The following TAOK1 variants were observed in gnomAD, a reference collection of about 807,000 sequenced individuals.
TAOK1 encodes serine/threonine-protein kinase TAO1.
TAOK1 carries 21 observed loss-of-function variants against 138.3 expected under a neutral mutation model. The ratio of observed to expected loss-of-function variants is 0.15; its 90% CI spans 0.11 to 0.22. TAOK1 has a LOEUF of 0.22. Ranked by LOEUF, TAOK1 falls within the 10% of genes least tolerant of loss-of-function variation. The probability of loss-of-function intolerance (pLI) is 1.00; values close to 1 mark genes in which losing one functional copy is unlikely to be tolerated. For missense variants in TAOK1, 651 were observed against 1,227.7 expected, an observed-to-expected ratio of 0.53 and a Z score of 7.02; for synonymous variants, 361 against 398.4, an observed-to-expected ratio of 0.91 and a Z score of 1.12.
Position 29,542,875 on chromosome 17 carries a change from G to A in TAOK1, c.2859G>A (p.Gly953=), listed in dbSNP as rs2032343477. Residue 953 remains glycine (G), a synonymous_variant, in exon 20 of 20, where the codon GGG becomes GGA. Transcript: ENST00000261716. ...PWGHPSGPMQ[G]VPRGSSMGVR... ...GTCACCCTTCAGGGCCAATGCAAGG[G>A]GTACCTCGAGGTAGCAGTATGGGAG... 6.2e-7 allele frequency: 1 copy of A among 1,613,974 alleles called. No individual in the cohort carries two copies. Among genetic ancestry groups the A allele is most frequent in the Admixed American group, 1.7e-5 (1 of 59,994 alleles).
At chr17:29,517,152 A>G (rs1016449919) in intron 15 of TAOK1, among the ~76,000 whole-genome samples, 1 of 151,838 alleles carries the variant, frequency 6.6e-6, no homozygotes, top group East Asian at 2.0e-4. Flanking sequence ...ATGCCCGGCT[A>G]ATTTTTTTTG....
chr17:29,478,721 G>A (rs1312894568), intron 6 of TAOK1, among the ~76,000 whole-genome samples: 3 of 152,096 alleles, frequency 2.0e-5, no homozygotes, highest in Admixed American at 2.0e-4. Context: ...TTTCCTAAAG[G>A]TTGCAAAGCT....
intron 1 of TAOK1, among the ~76,000 whole-genome samples, chr17:29,395,962 C>T (rs375295176): frequency 4.9e-4 from 74 of 151,352 alleles, no homozygotes; most frequent in Middle Eastern, 3.4e-3. Context: ...GCCACTGCAC[C>T]CGGCCCGATT....
chr17:29,489,161 G>A (rs2031244283), intron 8 of TAOK1, among the ~76,000 whole-genome samples: 3 of 152,172 alleles, frequency 2.0e-5, no homozygotes, highest in Admixed American at 1.3e-4. Context: ...TAAGTATGGT[G>A]AGGCTTCAGG....
chr17:29,446,284 T>G (rs1469734530), intron 1 of TAOK1, among the ~76,000 whole-genome samples: 2 of 152,174 alleles, frequency 1.3e-5, no homozygotes, highest in African/African-American at 4.8e-5. Flanking sequence ...TTCTATTCTA[T>G]TTAGTATTTC....
At chr17:29,495,263 C>G (rs1022987334) in intron 10 of TAOK1, among the ~76,000 whole-genome samples, 18 of 152,160 alleles carry the variant, frequency 1.2e-4, no homozygotes, top group African/African-American at 4.1e-4. Flanking sequence ...ATATGTAAAC[C>G]TTGAGAGCTC....
At chr17:29,532,610 C>T (rs532143450) in intron 18 of TAOK1, among the ~76,000 whole-genome samples, 1 of 152,220 alleles carries the variant, frequency 6.6e-6, no homozygotes, top group South Asian at 2.1e-4. Flanking sequence ...GCCCTTAATC[C>T]ATTTAACCCT....
At chr17:29,433,067 C>A (rs943352245) in intron 1 of TAOK1, among the ~76,000 whole-genome samples, 4 of 152,112 alleles carry the variant, frequency 2.6e-5, no homozygotes, top group African/African-American at 9.7e-5. Context: ...CAGGGCCTTA[C>A]CATAGTTATC....
Position 29,517,574 on chromosome 17 carries a change from A to G in TAOK1, c.1826A>G (p.Gln609Arg), listed in dbSNP as rs1567741838. The change falls in exon 16 of 20, where the codon CAA becomes CGA. Residue 609 changes from glutamine to arginine, a missense_variant. This residue lies in a region of TAOK1 where 258 missense variants were observed against 548.9 expected (regional missense o/e 0.47). Transcript: ENST00000261716. ...GCTAACCTTCTTCGACGTCAAAGAC[A>G]ATACCTAGAGCTGGAATGCCGTCGC... The part of the protein sequence containing the change: ...EEANLLRRQR[Q>R]YLELECRRFK... 6.2e-7 allele frequency: 1 copy of G among 1,614,052 alleles called. No individual in the cohort carries two copies.
chr17:29,500,773 G>A (rs570136671), intron 12 of TAOK1, among the ~76,000 whole-genome samples: 11 of 151,654 alleles, frequency 7.3e-5, no homozygotes, highest in Admixed American at 3.3e-4. Context: ...TTTACATCCA[G>A]TAGAATATTA....
At chr17:29,503,918 C>T (rs1051131157) in intron 13 of TAOK1, among the ~76,000 whole-genome samples, 2 of 152,052 alleles carry the variant, frequency 1.3e-5, no homozygotes, top group Non-Finnish European at 2.9e-5. Flanking sequence ...CAAGACCAGC[C>T]TGGCCAACAT....
At chr17:29,412,254 G>T (rs1229512014) in intron 1 of TAOK1, among the ~76,000 whole-genome samples, 4 of 152,126 alleles carry the variant, frequency 2.6e-5, no homozygotes, top group Non-Finnish European at 5.9e-5. Flanking sequence ...TGTTGACCAG[G>T]TTGGTCTCGA....
At chr17:29,486,931 A>G (rs1490426081) in intron 8 of TAOK1, among the ~76,000 whole-genome samples, 1 of 152,142 alleles carries the variant, frequency 6.6e-6, no homozygotes, top group African/African-American at 2.4e-5. Flanking sequence ...TATTGGTTAC[A>G]TAGGAGGAAT....
intron 2 of TAOK1, among the ~76,000 whole-genome samples, chr17:29,457,744 C>T (rs781665490): frequency 9.9e-5 from 15 of 151,920 alleles, no homozygotes; most frequent in South Asian, 2.1e-4. Flanking sequence ...ACAATGCCTT[C>T]GCAGAAACAT....
intron 14 of TAOK1, 131 bp downstream of exon 14, chr17:29,508,263 A>T (rs2031661850): frequency 1.4e-6 from 1 of 729,576 alleles, no homozygotes; most frequent in Non-Finnish European, 2.3e-6. Context: ...AGAAGCATTT[A>T]TGTGACTTAT....
chr17:29,536,660 T>G (rs1310685155), intron 19 of TAOK1, among the ~76,000 whole-genome samples: 1 of 150,966 alleles, frequency 6.6e-6, no homozygotes, highest in Non-Finnish European at 1.5e-5. Context: ...AAAATATAGC[T>G]TCTTCCATGT....
intron 2 of TAOK1, among the ~76,000 whole-genome samples, chr17:29,458,505 G>A (rs905846347): frequency 6.6e-6 from 1 of 151,934 alleles, no homozygotes; most frequent in Non-Finnish European, 1.5e-5. Flanking sequence ...GTTTTGTTTT[G>A]TTTTTGTTTT....
chr17:29,437,653 T>A (rs896984094), intron 1 of TAOK1, among the ~76,000 whole-genome samples: 8 of 152,132 alleles, frequency 5.3e-5, no homozygotes, highest in African/African-American at 1.9e-4. Flanking sequence ...AACCTGGAAG[T>A]GGGAAATAAA....
intron 1 of TAOK1, among the ~76,000 whole-genome samples, chr17:29,429,096 T>C (rs1905743133): frequency 6.6e-6 from 1 of 152,170 alleles, no homozygotes; most frequent in Non-Finnish European, 1.5e-5. Flanking sequence ...TATACTTGGT[T>C]TTAGAACTTA....
Sources: allele counts gnomAD v4.1 joint callset (sites outside exome capture counted in the v4.1 genomes callset), GRCh38; gene constraint gnomAD v4.1.1; regional missense constraint gnomAD v4.1.1; transcripts MANE v1.5; gene names NCBI Gene and HGNC (gene_info 2026-07-23, HGNC 2026-07-21).